Variants in CNTNAP2 observed in about 807,000 individuals in gnomAD.
CNTNAP2 encodes contactin associated protein 2.
In CNTNAP2, 98 loss-of-function variants were observed where a neutral mutation model predicts 155.2. The observed-to-expected ratio is 0.63, with a 90% CI of 0.54 to 0.75. The LOEUF (loss-of-function observed/expected upper bound fraction) is 0.75, where lower values mean the gene tolerates loss of function less well. Ranked by LOEUF, CNTNAP2 falls within the 30% of genes least tolerant of loss-of-function variation. The pLI is 0.00. For missense variants in CNTNAP2, 1,727 were observed against 1,688.1 expected, an observed-to-expected ratio of 1.02 and a Z score of -0.40; for synonymous variants, 651 against 631.2, an observed-to-expected ratio of 1.03 and a Z score of -0.47.
chr7:148,148,690 T>C (rs556841301), intron 17 of CNTNAP2, among the ~76,000 whole-genome samples: 1 of 152,318 alleles, frequency 6.6e-6, no homozygotes, highest in East Asian at 1.9e-4. Context: ...CACAGTGTCT[T>C]TCATAGTTGT....
At chr7:147,894,421 C>A (rs1799743053) in intron 13 of CNTNAP2, among the ~76,000 whole-genome samples, 1 of 152,068 alleles carries the variant, frequency 6.6e-6, no homozygotes, top group African/African-American at 2.4e-5. Flanking sequence ...CAAATGTTAC[C>A]AGAGAGCAGA....
chr7:146,387,177 G>A (rs1282476119), intron 1 of CNTNAP2, among the ~76,000 whole-genome samples: 1 of 152,192 alleles, frequency 6.6e-6, no homozygotes, highest in Non-Finnish European at 1.5e-5. Flanking sequence ...TAATGCCCAT[G>A]TGTTTTTCTT....
At chr7:148,068,526 C>T (rs944770276) in intron 15 of CNTNAP2, among the ~76,000 whole-genome samples, 1 of 152,188 alleles carries the variant, frequency 6.6e-6, no homozygotes, top group Non-Finnish European at 1.5e-5. Flanking sequence ...GTGAATTTCA[C>T]TTTGTTGAGT....
At chr7:148,011,745 C>T (rs1055421864) in intron 15 of CNTNAP2, among the ~76,000 whole-genome samples, 3 of 152,172 alleles carry the variant, frequency 2.0e-5, no homozygotes, top group African/African-American at 7.2e-5. Flanking sequence ...AGTGTATACT[C>T]AAACTGTAGA....
At chr7:146,187,345 G>A (rs1798638700) in intron 1 of CNTNAP2, among the ~76,000 whole-genome samples, 1 of 152,184 alleles carries the variant, frequency 6.6e-6, no homozygotes, top group Non-Finnish European at 1.5e-5. Context: ...CAGGCCTGAT[G>A]GCTGCTTTTG....
At chr7:147,661,448 G>A (rs1368600221) in intron 13 of CNTNAP2, among the ~76,000 whole-genome samples, 1 of 151,912 alleles carries the variant, frequency 6.6e-6, no homozygotes, top group Non-Finnish European at 1.5e-5. Flanking sequence ...ATTTAGTAGT[G>A]GTATTTCAGT....
At chr7:146,858,047 T>C (rs1290309843) in intron 3 of CNTNAP2, among the ~76,000 whole-genome samples, 1 of 152,146 alleles carries the variant, frequency 6.6e-6, no homozygotes, top group African/African-American at 2.4e-5. Flanking sequence ...CTTAGGACAA[T>C]TGGATATTTC....
At chr7:146,989,393 A>G (rs958141655) in intron 3 of CNTNAP2, among the ~76,000 whole-genome samples, 8 of 152,104 alleles carry the variant, frequency 5.3e-5, no homozygotes, top group African/African-American at 1.9e-4. Flanking sequence ...AGGTTGCCCC[A>G]GGAAACAAGT....
intron 17 of CNTNAP2, among the ~76,000 whole-genome samples, chr7:148,153,649 C>T (rs1310846955): frequency 1.3e-5 from 2 of 152,186 alleles, no homozygotes; most frequent in African/African-American, 4.8e-5. Context: ...ATTGTCTAAG[C>T]ATGAACAATG....
At chr7:146,636,045 G>A (rs1799592582) in intron 1 of CNTNAP2, among the ~76,000 whole-genome samples, 1 of 152,104 alleles carries the variant, frequency 6.6e-6, no homozygotes, top group East Asian at 1.9e-4. Flanking sequence ...CAAACATCTT[G>A]AACAACAGAC....
chr7:146,133,596 T>G (rs1250389451), intron 1 of CNTNAP2, among the ~76,000 whole-genome samples: 2 of 152,072 alleles, frequency 1.3e-5, no homozygotes, highest in Non-Finnish European at 2.9e-5. Flanking sequence ...TTGTATAAGG[T>G]GTAAGGAAGG....
At chr7:147,982,723 G>A (rs2116871910) in intron 15 of CNTNAP2, among the ~76,000 whole-genome samples, 1 of 152,176 alleles carries the variant, frequency 6.6e-6, no homozygotes, top group Non-Finnish European at 1.5e-5. Flanking sequence ...TCCCTTGACA[G>A]GAGAGATAAG....
At chr7:146,629,637 AAT>A (rs1799478034) in intron 1 of CNTNAP2, among the ~76,000 whole-genome samples, 2 of 152,170 alleles carry the variant, frequency 1.3e-5, no homozygotes, top group African/African-American at 4.8e-5. Context: ...ATCATCATCA[AAT>A]ATATATTTGT....
At chr7:147,833,891 T>C (rs1475744819) in intron 13 of CNTNAP2, among the ~76,000 whole-genome samples, 1 of 152,116 alleles carries the variant, frequency 6.6e-6, no homozygotes, top group Non-Finnish European at 1.5e-5. Context: ...GACAGATATC[T>C]GGTACCCCAG....
chr7:147,578,512 T>C (rs1401567204), intron 12 of CNTNAP2, among the ~76,000 whole-genome samples: 3 of 152,088 alleles, frequency 2.0e-5, no homozygotes, highest in African/African-American at 7.2e-5. Flanking sequence ...GGAAACGAAA[T>C]AAGAATATAG....
intron 17 of CNTNAP2, among the ~76,000 whole-genome samples, chr7:148,150,473 G>C (rs1036463189): frequency 1.3e-5 from 2 of 152,014 alleles, no homozygotes; most frequent in Admixed American, 6.5e-5. Context: ...GTGTGAACCC[G>C]GGAGGCAGAG....
chr7:147,867,712 T>G (rs1799258173), intron 13 of CNTNAP2, among the ~76,000 whole-genome samples: 1 of 152,168 alleles, frequency 6.6e-6, no homozygotes, highest in South Asian at 2.1e-4. Context: ...CTTCAGTCAC[T>G]AATAACCTTT....
chr7:148,098,807 C>T (rs1052828287), intron 15 of CNTNAP2, among the ~76,000 whole-genome samples: 1 of 152,058 alleles, frequency 6.6e-6, no homozygotes, highest in African/African-American at 2.4e-5. Context: ...TGAGGGTGAC[C>T]TTAGATCAGG....
chr7:147,007,188 C>T (rs1017087648), intron 3 of CNTNAP2, among the ~76,000 whole-genome samples: 1 of 152,080 alleles, frequency 6.6e-6, no homozygotes, highest in Non-Finnish European at 1.5e-5. Context: ...TGCACATGCT[C>T]GCTACTGGGG....
Sources: gnomAD v4.1 joint callset for allele counts (sites outside exome capture counted in the v4.1 genomes callset) on GRCh38, gnomAD v4.1.1 for gene constraint, MANE v1.5 for transcripts, NCBI Gene and HGNC (gene_info 2026-07-23, HGNC 2026-07-21) for gene names.